Variants in SCP2 observed in about 807,000 individuals in gnomAD.
SCP2 encodes the protein SCP-2/3-oxoacyl-CoA thiolase.
In SCP2, 48 loss-of-function variants were observed where a neutral mutation model predicts 71.4. That is an observed-to-expected ratio of 0.67 (90% CI 0.53 to 0.86). SCP2 has a LOEUF of 0.86. Among genes scored for constraint, SCP2 ranks in the 40% least tolerant of loss-of-function variants. SCP2 has a pLI of 0.00. For missense variants in SCP2, 560 were observed against 655.6 expected, an observed-to-expected ratio of 0.85 and a Z score of 1.59; for synonymous variants, 220 against 218.1, an observed-to-expected ratio of 1.01 and a Z score of -0.08.
intron 15 of SCP2, chr1:53,049,278 T>TG (rs1453488827): frequency 6.6e-6 from 1 of 152,244 alleles, no homozygotes; most frequent in Non-Finnish European, 1.5e-5. Context: ...CTGCCCATTT[T>TG]GGGGGCAAGG....
At chr1:53,009,454 G>T (rs564947136) in intron 11 of SCP2, among the ~76,000 whole-genome samples, 1 of 152,108 alleles carries the variant, frequency 6.6e-6, no homozygotes, top group Non-Finnish European at 1.5e-5. Context: ...ACAGAACAGA[G>T]CCCTGAGAAA....
rs6672374 is a variant in SCP2, at chr1:53,021,463, C to T, written c.1235+6420C>T. Among the ~76,000 whole-genome samples, 378 of 150,482 alleles carry T rather than the reference C, an allele frequency of 2.5e-3. 2 individuals carry two copies. The highest frequency in any genetic ancestry group is 8.5e-3 in the African/African-American group (348 of 40,848). On this transcript the variant is annotated intron_variant, in intron 12 of 15. Transcript: ENST00000371514. ...TCTTGAGTAGCTGGGACTACAGGCACGCACCACCAGGCCTAGCTGGCTAAT... is the reference window on the plus strand; with the variant it reads ...TCTTGAGTAGCTGGGACTACAGGCATGCACCACCAGGCCTAGCTGGCTAAT...
At chr1:52,996,829 C>T (rs979142981) in intron 11 of SCP2, among the ~76,000 whole-genome samples, 2 of 152,226 alleles carry the variant, frequency 1.3e-5, no homozygotes, top group African/African-American at 4.8e-5. Flanking sequence ...ACTGCCACAT[C>T]AGTGTTTGAG....
chr1:53,004,210 CA>C (rs1660488181), intron 11 of SCP2, among the ~76,000 whole-genome samples: 1 of 152,300 alleles, frequency 6.6e-6, no homozygotes, highest in East Asian at 1.9e-4. Flanking sequence ...GAACAGCATG[CA>C]ACTTAAAACT....
intron 11 of SCP2, among the ~76,000 whole-genome samples, chr1:53,010,760 T>C (rs1176572435): frequency 6.6e-6 from 1 of 152,156 alleles, no homozygotes; most frequent in Non-Finnish European, 1.5e-5. Context: ...ACATGGACCC[T>C]AGAACTTAAA....
intron 14 of SCP2, among the ~76,000 whole-genome samples, chr1:53,041,449 G>A (rs1360870143): frequency 6.6e-6 from 1 of 151,856 alleles, no homozygotes; most frequent in African/African-American, 2.4e-5. Flanking sequence ...AAGTCGTTTT[G>A]TATATAACTA....
intron 6 of SCP2, among the ~76,000 whole-genome samples, chr1:52,968,948 T>A (rs1026523109): frequency 4.6e-5 from 7 of 152,124 alleles, no homozygotes; most frequent in African/African-American, 1.4e-4. Context: ...AAGAAAATGT[T>A]ATTAAAATCA....
chr1:52,996,235 T>C (rs1261143906), intron 11 of SCP2, among the ~76,000 whole-genome samples: 2 of 152,234 alleles, frequency 1.3e-5, no homozygotes, highest in African/African-American at 4.8e-5. Context: ...TTTCTGCCAC[T>C]CTGGGTGACC....
rs187537214 is a variant in SCP2 at position 53,045,963 on chromosome 1, G to A, written c.1469-1895G>A. 4.9e-4 allele frequency among the ~76,000 whole-genome samples: 75 copies of A among 152,212 alleles called. No individual in the cohort carries two copies. In the East Asian group the frequency reaches 0.013, roughly 26 times the overall value. ...AATGATACAGTATGTAGCTTTTTGAGCCTCCTTCTTTCACTGAAATTTATT... is the reference window on the plus strand; with the variant it reads ...AATGATACAGTATGTAGCTTTTTGAACCTCCTTCTTTCACTGAAATTTATT... On this transcript the variant is annotated intron_variant, in intron 14 of 15. Transcript: ENST00000371514.
chr1:52,997,541 A>G (rs1660022235), intron 11 of SCP2, among the ~76,000 whole-genome samples: 1 of 152,204 alleles, frequency 6.6e-6, no homozygotes, highest in African/African-American at 2.4e-5. Flanking sequence ...TGAACCTTGA[A>G]AACATTTTTA....
chr1:52,928,382 G>A (rs938182134), intron 1 of SCP2, among the ~76,000 whole-genome samples: 1 of 152,240 alleles, frequency 6.6e-6, no homozygotes, highest in Non-Finnish European at 1.5e-5. Flanking sequence ...AATACTAAAT[G>A]GATATGCTTT....
rs188226574 is a variant in SCP2 at position 52,949,562 on chromosome 1, T to A, written c.200-1193T>A. 6.6e-4 allele frequency among the ~76,000 whole-genome samples: 101 copies of A among 152,306 alleles called. No homozygotes were observed. In the East Asian group the frequency reaches 0.018, roughly 27 times the overall value. On this transcript the variant is annotated intron_variant, in intron 3 of 15. Transcript: ENST00000371514. Reference sequence around the variant, plus strand: ...CGTCCACCCTACTGCTGTGTCCAGTTCCATTGGCTGGAACGGGACCTCACA... The same window carrying A: ...CGTCCACCCTACTGCTGTGTCCAGTACCATTGGCTGGAACGGGACCTCACA...
At chr1:52,941,979 GA>G in intron 2 of SCP2, 126 bp downstream of exon 2, 1 of 699,012 alleles carries the variant, frequency 1.4e-6, no homozygotes, top group South Asian at 1.5e-5. Flanking sequence ...CCCGTACAGA[GA>G]AATGTCTAGT....
Position 53,039,427 on chromosome 1 carries a change from G to A in SCP2, c.1468+381G>A, listed in dbSNP as rs578228787. ...TAAGAGGATTCTTTCTTAATTAACC[G>A]TAAGGCACACGGTCCAGTGCATGGC... is the stretch of plus-strand genomic sequence containing the variant. On this transcript the variant is annotated intron_variant, in intron 14 of 15. Coordinates refer to ENST00000371514, the MANE Select transcript of SCP2 (RefSeq NM_002979.5). Among the ~76,000 whole-genome samples the A allele has an allele frequency of 1.5e-4, 23 of 152,278 alleles. No homozygotes were observed. In the South Asian group the frequency reaches 4.1e-3, roughly 27 times the overall value.
intron 4 of SCP2, among the ~76,000 whole-genome samples, chr1:52,951,124 A>G (rs894416918): frequency 6.6e-6 from 1 of 152,054 alleles, no homozygotes. Flanking sequence ...TCTACAAAAA[A>G]TACAAAAATT....
At chr1:53,024,577 C>CT (rs551484573) in intron 12 of SCP2, among the ~76,000 whole-genome samples, 47 of 118,982 alleles carry the variant, frequency 4.0e-4, no homozygotes, top group South Asian at 5.0e-4. Flanking sequence ...CTTTTTTTTT[C>CT]TTTTTTTTTT....
chr1:53,000,252 CAA>C lies in SCP2; in HGVS notation c.1081+12133_1081+12134del, dbSNP rs34392119. On this transcript the variant is annotated intron_variant, in intron 11 of 15. Coordinates refer to ENST00000371514, the MANE Select transcript of SCP2 (RefSeq NM_002979.5). Reference sequence around the variant, plus strand: ...AACAAAGCGAGACCCTAGTTTCTACCAAAAAAAAAAAAAAAAAAGAAAGAATA... The same window carrying C: ...AACAAAGCGAGACCCTAGTTTCTACCAAAAAAAAAAAAAAAAGAAAGAATA... 2.1e-3 allele frequency among the ~76,000 whole-genome samples: 197 copies of C among 92,076 alleles called. 2 individuals carry two copies. Among genetic ancestry groups the C allele is most frequent in the African/African-American group, 5.0e-3 (153 of 30,470 alleles). The allele number at this position is 92,076 out of a possible 152,430, so 60.4% of individuals were successfully genotyped here.
At chr1:52,976,830 C>G in intron 8 of SCP2, 61 bp downstream of exon 8, 1 of 876,514 alleles carries the variant, frequency 1.1e-6, no homozygotes, top group Non-Finnish European at 2.0e-6. Context: ...CCTGCCACCC[C>G]CCTGTGGTTA....
At chr1:53,026,815 GAA>G (rs1662163235) in intron 12 of SCP2, among the ~76,000 whole-genome samples, 1 of 151,784 alleles carries the variant, frequency 6.6e-6, no homozygotes, top group Non-Finnish European at 1.5e-5. Flanking sequence ...AAGAGAGAGA[GAA>G]AAAGTATGAA....
Sources: gnomAD v4.1 joint callset for allele counts (sites outside exome capture counted in the v4.1 genomes callset) on GRCh38, gnomAD v4.1.1 for gene constraint, MANE v1.5 for transcripts, NCBI Gene and HGNC (gene_info 2026-07-23, HGNC 2026-07-21) for gene names.